Variants in MAGI2 observed in about 807,000 individuals in gnomAD.
The protein encoded by MAGI2 is membrane-associated guanylate kinase, WW and PDZ domain-containing protein 2.
In MAGI2, 35 loss-of-function variants were observed where a neutral mutation model predicts 133.3. That is an observed-to-expected ratio of 0.26 (90% CI 0.20 to 0.35). The LOEUF is 0.35. MAGI2 is among the 10% of genes least tolerant of loss of function. MAGI2 has a pLI of 1.00. For missense variants in MAGI2, 1,636 were observed against 1,863.4 expected (o/e 0.88, Z 2.25); for synonymous variants, 729 against 710.6 (o/e 1.03, Z -0.41).
chr7:78,640,683 C>A (rs1178823759), intron 2 of MAGI2, among the ~76,000 whole-genome samples: 1 of 152,208 alleles, frequency 6.6e-6, no homozygotes, highest in Non-Finnish European at 1.5e-5. Flanking sequence ...TCACGGGGAG[C>A]AACTGGCTGG....
intron 2 of MAGI2, among the ~76,000 whole-genome samples, chr7:78,957,898 C>A (rs906353263): frequency 1.8e-4 from 27 of 152,126 alleles, no homozygotes; most frequent in African/African-American, 6.5e-4. Context: ...CTCAGAGGTT[C>A]CACAATTACC....
intron 16 of MAGI2, among the ~76,000 whole-genome samples, chr7:78,135,510 G>A (rs1412531324): frequency 6.6e-6 from 1 of 152,140 alleles, no homozygotes; most frequent in African/African-American, 2.4e-5. Flanking sequence ...ACTGGGGACT[G>A]TCTGAGTTAG....
At chr7:78,253,136 T>C (rs1035030391) in intron 10 of MAGI2, 1 of 152,088 alleles carries the variant, frequency 6.6e-6, no homozygotes, top group African/African-American at 2.4e-5. Context: ...CATAACAACA[T>C]GATTCATAAA....
At chr7:78,816,006 C>T (rs1046529508) in intron 2 of MAGI2, among the ~76,000 whole-genome samples, 2 of 152,094 alleles carry the variant, frequency 1.3e-5, no homozygotes, top group Non-Finnish European at 2.9e-5. Flanking sequence ...CTTCTTGCAC[C>T]ACATAGTTAG....
intron 1 of MAGI2, among the ~76,000 whole-genome samples, chr7:79,027,279 G>T (rs1447275583): frequency 6.6e-6 from 1 of 151,604 alleles, no homozygotes; most frequent in Non-Finnish European, 1.5e-5. Flanking sequence ...GCCATTTCAT[G>T]GAATCAACCT....
intron 5 of MAGI2, among the ~76,000 whole-genome samples, chr7:78,494,545 A>G (rs1793915796): frequency 6.6e-6 from 1 of 152,130 alleles, no homozygotes. Context: ...TTTCTTAGGT[A>G]TATACATAAC....
chr7:79,380,267 C>T (rs1441339802), intron 1 of MAGI2, among the ~76,000 whole-genome samples: 1 of 151,860 alleles, frequency 6.6e-6, no homozygotes, highest in East Asian at 1.9e-4. Context: ...GGGCTAATAT[C>T]CAGAATCTTC....
intron 1 of MAGI2, among the ~76,000 whole-genome samples, chr7:79,134,317 C>T (rs1156635487): frequency 6.6e-6 from 1 of 152,176 alleles, no homozygotes; most frequent in Admixed American, 6.5e-5. Flanking sequence ...GTTTTGTCCA[C>T]AGATTTCTCA....
chr7:78,308,526 TC>T (rs985709733), intron 9 of MAGI2, among the ~76,000 whole-genome samples: 5 of 151,970 alleles, frequency 3.3e-5, no homozygotes, highest in Non-Finnish European at 7.4e-5. Flanking sequence ...GTCCGACCCA[TC>T]TTTTTTTTTT....
In MAGI2 at chr7:78,783,453, C is replaced by T. The variant is rs180800147; in HGVS notation, c.419-156214G>A. On this transcript the variant is annotated intron_variant, in intron 2 of 21. Transcript: ENST00000354212. Reference sequence around the variant, plus strand: ...GTCAGTCTGAAGGTGTATGTGTGTTCGTATGATGAGAAAAAAGAAACATAA... The same window carrying T: ...GTCAGTCTGAAGGTGTATGTGTGTTTGTATGATGAGAAAAAAGAAACATAA... 1.1e-3 allele frequency among the ~76,000 whole-genome samples: 172 copies of T among 152,044 alleles called. 1 individual carries two copies. Among genetic ancestry groups the T allele is most frequent in the Non-Finnish European group, 2.0e-3 (133 of 67,984 alleles).
intron 2 of MAGI2, among the ~76,000 whole-genome samples, chr7:78,721,864 A>C (rs1302162664): frequency 1.3e-5 from 2 of 151,954 alleles, no homozygotes; most frequent in African/African-American, 4.8e-5. Context: ...AATGTAAGGT[A>C]GAGTGAAGTA....
chr7:78,278,197 G>C (rs1463717931), intron 9 of MAGI2, among the ~76,000 whole-genome samples: 1 of 152,066 alleles, frequency 6.6e-6, no homozygotes, highest in African/African-American at 2.4e-5. Context: ...ACAACCAAAC[G>C]TGCATTCTAA....
chr7:79,195,017 A>T (rs1361434251), intron 1 of MAGI2, among the ~76,000 whole-genome samples: 1 of 152,046 alleles, frequency 6.6e-6, no homozygotes, highest in African/African-American at 2.4e-5. Flanking sequence ...ATATTGAGTC[A>T]AATATTAGAA....
intron 1 of MAGI2, among the ~76,000 whole-genome samples, chr7:79,429,609 C>T (rs916828195): frequency 9.9e-5 from 15 of 152,034 alleles, no homozygotes; most frequent in African/African-American, 3.6e-4. Context: ...CCAGCCAATT[C>T]TATTATATTT....
intron 13 of MAGI2, chr7:78,184,513 C>T (rs1456395115): frequency 6.6e-6 from 1 of 152,162 alleles, no homozygotes; most frequent in Non-Finnish European, 1.5e-5. Context: ...CATGGAAACA[C>T]TCTGGAGATG....
intron 1 of MAGI2, among the ~76,000 whole-genome samples, chr7:79,441,294 T>A (rs1368384589): frequency 6.6e-6 from 1 of 152,172 alleles, no homozygotes; most frequent in Non-Finnish European, 1.5e-5. Context: ...AACTTTGTGG[T>A]TTTCTAAGTT....
chr7:78,705,225 T>C (rs763922651), intron 2 of MAGI2, among the ~76,000 whole-genome samples: 12 of 152,050 alleles, frequency 7.9e-5, no homozygotes, highest in Admixed American at 2.0e-4. Flanking sequence ...ATTGCTGTTC[T>C]CATGATAGTG....
intron 21 of MAGI2, among the ~76,000 whole-genome samples, chr7:78,059,777 A>ATAT (rs368179491): frequency 1.5e-4 from 22 of 146,138 alleles, no homozygotes; most frequent in East Asian, 4.0e-4. Context: ...ATATATATAT[A>ATAT]TTTTTTTTCT....
intron 2 of MAGI2, among the ~76,000 whole-genome samples, chr7:78,850,606 T>C (rs1223995343): frequency 6.6e-6 from 1 of 152,042 alleles, no homozygotes; most frequent in Non-Finnish European, 1.5e-5. Flanking sequence ...CTTACTTCCT[T>C]GAAATTTTGA....
Sources: allele counts gnomAD v4.1 joint callset (sites outside exome capture counted in the v4.1 genomes callset), GRCh38; gene constraint gnomAD v4.1.1; transcripts MANE v1.5; gene names NCBI Gene and HGNC (gene_info 2026-07-23, HGNC 2026-07-21).